The following ICE2 variants were observed in gnomAD, a reference collection of about 807,000 sequenced individuals.
ICE2 encodes the protein interactor of little elongation complex ELL subunit 2.
In ICE2, 87 loss-of-function variants were observed where a neutral mutation model predicts 105.4. The ratio of observed to expected loss-of-function variants is 0.83; its 90% CI spans 0.69 to 0.99. The LOEUF is 0.99. Among genes scored for constraint, ICE2 ranks in the 50% least tolerant of loss-of-function variants. The pLI is 0.00. For synonymous variants in ICE2, 399 were observed against 392.0 expected, an observed-to-expected ratio of 1.02 and a Z score of -0.21; for missense variants, 1,323 against 1,146.7, an observed-to-expected ratio of 1.15 and a Z score of -2.22.
At chr15:60,441,181 T>A (rs1052242059) in intron 12 of ICE2, 1 of 152,212 alleles carries the variant, frequency 6.6e-6, no homozygotes, top group African/African-American at 2.4e-5. Flanking sequence ...TGGAGGAACA[T>A]TGAAATTTTG....
chr15:60,444,310 A>G (rs1232419251), intron 11 of ICE2, among the ~76,000 whole-genome samples: 2 of 152,194 alleles, frequency 1.3e-5, no homozygotes, highest in Non-Finnish European at 2.9e-5. Context: ...TACTCTATCT[A>G]TAAAACCAAG....
intron 5 of ICE2, among the ~76,000 whole-genome samples, chr15:60,463,059 G>A (rs1204615834): frequency 6.6e-6 from 1 of 152,142 alleles, no homozygotes; most frequent in Non-Finnish European, 1.5e-5. Context: ...TAGGCTTTGT[G>A]TTAGATGATT....
intron 12 of ICE2, chr15:60,441,242 G>T (rs1182231985): frequency 6.6e-6 from 1 of 152,156 alleles, no homozygotes; most frequent in Non-Finnish European, 1.5e-5. Flanking sequence ...TATGAAGGAG[G>T]AGGAGGCAGG....
At chr15:60,454,053 T>C (rs561234904) in intron 8 of ICE2, among the ~76,000 whole-genome samples, 196 of 152,310 alleles carry the variant, frequency 1.3e-3, no homozygotes, top group African/African-American at 4.5e-3. Context: ...CTTACTGTCA[T>C]TATTACTCAG....
At chr15:60,443,319 T>C (rs2063758933) in intron 11 of ICE2, among the ~76,000 whole-genome samples, 1 of 152,224 alleles carries the variant, frequency 6.6e-6, no homozygotes, top group Non-Finnish European at 1.5e-5. Context: ...TGATTTAAGG[T>C]ACTTAACTTG....
chr15:60,430,820 G>T (rs1406310644), intron 14 of ICE2, among the ~76,000 whole-genome samples: 2 of 152,116 alleles, frequency 1.3e-5, no homozygotes, highest in Admixed American at 1.3e-4. Context: ...AATCATCAGG[G>T]GGAAAATCCA....
At chr15:60,458,484 T>G (rs80147105) in intron 5 of ICE2, among the ~76,000 whole-genome samples, 46 of 152,086 alleles carry the variant, frequency 3.0e-4, no homozygotes, top group African/African-American at 1.0e-3. Flanking sequence ...AATCAACACA[T>G]AGAGGAGAAA....
chr15:60,420,499 T>C lies in ICE2; in HGVS notation c.*3135A>G, dbSNP rs544298011. The C allele has an allele frequency of 1.3e-5, 2 of 152,262 alleles. No individual in the cohort carries two copies. Among genetic ancestry groups the C allele is most frequent in the African/African-American group, 4.8e-5 (2 of 41,470 alleles). The allele number at this position is 152,262 out of a possible 1,614,324, so 9.4% of individuals were successfully genotyped here. On this transcript the variant is annotated 3_prime_UTR_variant, in exon 16 of 16. Transcript: ENST00000261520. ...ATACATATCTGATCATGTCAGTTAATTAACCTTCACTACTGGTTCCCACAT... is the reference window on the plus strand; with the variant it reads ...ATACATATCTGATCATGTCAGTTAACTAACCTTCACTACTGGTTCCCACAT...
chr15:60,450,279 T>C (rs2063934617), intron 9 of ICE2, among the ~76,000 whole-genome samples: 1 of 152,190 alleles, frequency 6.6e-6, no homozygotes, highest in African/African-American at 2.4e-5. Flanking sequence ...CGCTGCTTTT[T>C]AATGCGTCCA....
chr15:60,467,026 T>G (rs868092490), intron 4 of ICE2, among the ~76,000 whole-genome samples: 2 of 152,232 alleles, frequency 1.3e-5, no homozygotes, highest in Admixed American at 6.5e-5. Flanking sequence ...CTCGCTTTGT[T>G]GCCCAGGCTG....
chr15:60,443,542 G>C (rs1347479857), intron 11 of ICE2, among the ~76,000 whole-genome samples: 1 of 152,196 alleles, frequency 6.6e-6, no homozygotes, highest in Non-Finnish European at 1.5e-5. Flanking sequence ...TGAACTACGT[G>C]CATGTGAGAA....
intron 12 of ICE2, chr15:60,439,201 A>G (rs1055778877): frequency 3.3e-5 from 5 of 152,224 alleles, no homozygotes; most frequent in Non-Finnish European, 5.9e-5. Context: ...TCAAAACACT[A>G]TAAATTCTCT....
chr15:60,464,736 G>T (rs1301068123), intron 5 of ICE2, among the ~76,000 whole-genome samples: 2 of 152,176 alleles, frequency 1.3e-5, no homozygotes, highest in East Asian at 3.9e-4. Context: ...ACTTTGTAAA[G>T]ACTCTTCCTA....
chr15:60,454,686 TTTTC>T (rs1217548089), intron 8 of ICE2: 3 of 200,414 alleles, frequency 1.5e-5, no homozygotes, highest in African/African-American at 4.6e-5. Context: ...CCAACCTCTT[TTTTC>T]TTTTTTTTAA....
chr15:60,435,550 G>C (rs1471691826), intron 13 of ICE2, among the ~76,000 whole-genome samples: 1 of 150,230 alleles, frequency 6.7e-6, no homozygotes, highest in Non-Finnish European at 1.5e-5. Flanking sequence ...AGTGAACTGA[G>C]ATCACACCAC....
Position 60,449,378 on chromosome 15 carries a change from A to C in ICE2, c.1589T>G (p.Met530Arg), listed in dbSNP as rs1191189038. The C allele has an allele frequency of 6.2e-7, 1 of 1,612,906 alleles. No homozygotes were observed. The highest frequency in any genetic ancestry group is 8.5e-7 in the Non-Finnish European group (1 of 1,179,476). Residue 530 changes from methionine (M) to arginine (R), a missense_variant, in exon 10 of 16, where the codon ATG (methionine) becomes AGG (arginine). Met to Arg is a moderately conservative substitution (Grantham distance 91). Transcript: ENST00000261520. Reference sequence around the variant, plus strand: ...ATCAGCATGTAATATATCTATAGTCATATCATTTTTATTAGAAGTTTCAAT... The same window carrying C: ...ATCAGCATGTAATATATCTATAGTCCTATCATTTTTATTAGAAGTTTCAAT... ...QEIETSNKNDMTIDILHADGE... is the reference protein window; with the variant it reads ...QEIETSNKNDRTIDILHADGE...
intron 5 of ICE2, among the ~76,000 whole-genome samples, chr15:60,459,399 G>T (rs1037486529): frequency 2.0e-5 from 3 of 152,160 alleles, no homozygotes; most frequent in Non-Finnish European, 4.4e-5. Context: ...TGCCAACTTT[G>T]AATTGCGTAT....
In ICE2 at chr15:60,430,925, A is replaced by G. The variant is rs140168021; in HGVS notation, c.2561+1009T>C. 3.6e-3 allele frequency among the ~76,000 whole-genome samples: 555 copies of G among 152,130 alleles called. 22 individuals carry two copies. In the East Asian group the frequency reaches 0.095, roughly 26 times the overall value. ...AGTCTCACTCTGTCGCCCAGGCTGG[A>G]GTGCAGTGGCACATCTCAGCTTTGC... On this transcript the variant is annotated intron_variant, in intron 14 of 15. Coordinates refer to ENST00000261520, the MANE Select transcript of ICE2 (RefSeq NM_024611.6).
chr15:60,449,794 G>T lies in ICE2; in HGVS notation c.1173C>A (p.Asn391Lys). 6.2e-7 allele frequency: 1 copy of T among 1,613,826 alleles called. No homozygotes were observed. Among genetic ancestry groups the T allele is most frequent in the Non-Finnish European group, 8.5e-7 (1 of 1,179,938 alleles). ...NECRKIESLE[N>K]LYLDFDDDVT... ...CATCATCATCAAAATCCAAATACAA[G>T]TTTTCAAGACTCTCAATTTTTCGGC... is the stretch of plus-strand genomic sequence containing the variant. The change falls in exon 10 of 16, where the codon AAC (asparagine) becomes AAA (lysine). Residue 391 changes from asparagine to lysine, a missense_variant. Physicochemically the swap from Asn to Lys is moderately conservative, Grantham distance 94. Transcript: ENST00000261520.
Sources: gnomAD v4.1 joint callset for allele counts (sites outside exome capture counted in the v4.1 genomes callset) on GRCh38, gnomAD v4.1.1 for gene constraint, MANE v1.5 for transcripts, NCBI Gene and HGNC (gene_info 2026-07-23, HGNC 2026-07-21) for gene names.